CREBBP: variants seen among roughly 807,000 people sequenced by gnomAD.
CREBBP encodes the protein CREB binding lysine acetyltransferase.
Under a neutral mutation model 265.0 loss-of-function variants are expected in CREBBP, and 19 were observed. The ratio of observed to expected loss-of-function variants is 0.07; its 90% confidence interval spans 0.05 to 0.11. The LOEUF is 0.11. CREBBP is among the 10% of genes least tolerant of loss of function. The pLI, the probability that CREBBP is intolerant of heterozygous loss-of-function variation, is 1.00. For missense variants in CREBBP, 2,525 were observed against 3,219.0 expected (o/e 0.78, Z 5.22); for synonymous variants, 1,457 against 1,223.7 (o/e 1.19, Z -3.98).
In CREBBP at chr16:3,810,619, G is replaced by A. The variant is rs1449645780; in HGVS notation, c.959C>T (p.Thr320Ile). 3 of 1,613,782 alleles carry A rather than the reference G, an allele frequency of 1.9e-6. No homozygotes were observed. The highest frequency in any genetic ancestry group is 2.2e-5 in the East Asian group (1 of 44,870). Residue 320 changes from threonine (T) to isoleucine (I), a missense_variant, in exon 3 of 31, where the codon ACC (threonine) becomes ATC (isoleucine). Physicochemically the swap from Thr to Ile is moderately conservative, Grantham distance 89. Around this residue, in one of 19 missense-constraint regions of CREBBP, gnomAD observed 126 missense variants for 171.9 expected, o/e 0.73. Transcript: ENST00000262367. ...GTAACTTACCATATTTGGCACGTTGGTGACTGAAGTATTCTTGATATCTGT... is the reference window on the plus strand; with the variant it reads ...GTAACTTACCATATTTGGCACGTTGATGACTGAAGTATTCTTGATATCTGT... ...FPTDIKNTSV[T>I]NVPNMSQMQT...
chr16:3,805,390 G>T (rs1163380098), intron 3 of CREBBP, among the ~76,000 whole-genome samples: 1 of 152,182 alleles, frequency 6.6e-6, no homozygotes, highest in Non-Finnish European at 1.5e-5. Context: ...ACAGAACTCT[G>T]TAAGGACTCT....
rs746656673 is a variant in CREBBP at position 3,794,331 on chromosome 16, C to CAAAAAAAAAAA, written c.976-716_976-706dup. Among the ~76,000 whole-genome samples the CAAAAAAAAAAA allele has an allele frequency of 2.0e-4, 8 of 39,616 alleles. 1 individual carries two copies. Among genetic ancestry groups the CAAAAAAAAAAA allele is most frequent in the Non-Finnish European group, 3.3e-4 (7 of 21,404 alleles). 26.0% of individuals were successfully genotyped at this position (39,616 alleles called of 152,430 possible). ...TGGGCGACAGATCGAGACTCCGTCT[C>CAAAAAAAAAAA]AAAAAAAAAAAAAAAAAAAAAAAAA... On this transcript the variant is annotated intron_variant, in intron 3 of 30. Coordinates refer to ENST00000262367, the MANE Select transcript of CREBBP (RefSeq NM_004380.3).
chr16:3,780,923 C>G, intron 7 of CREBBP, 45 bp from the exon 8 acceptor site: 1 of 1,607,474 alleles, frequency 6.2e-7, no homozygotes. Context: ...TGAAGTGACT[C>G]AAACACACTT....
intron 1 of CREBBP, among the ~76,000 whole-genome samples, chr16:3,870,741 G>A (rs1251638097): frequency 6.6e-6 from 1 of 152,096 alleles, no homozygotes; most frequent in East Asian, 1.9e-4. Flanking sequence ...AGTCCTCACT[G>A]GCCCAAGAAG....
In CREBBP at chr16:3,739,741, A is replaced by G; in HGVS notation, c.4134-17T>C. ...TCCACAAACCTGAAACAAAAGCCAG[A>G]GCCGGACATTTACAAAGGCTGTTGC... is the stretch of plus-strand genomic sequence containing the variant. On this transcript the variant is annotated splice_polypyrimidine_tract_variant and intron_variant, in intron 24 of 30. Transcript: ENST00000262367. The G allele has an allele frequency of 6.2e-7, 1 of 1,614,256 alleles. No homozygotes were observed. Among genetic ancestry groups the G allele is most frequent in the Non-Finnish European group, 8.5e-7 (1 of 1,180,048 alleles).
At chr16:3,755,679 T>C (rs1261928444) in intron 19 of CREBBP, among the ~76,000 whole-genome samples, 1 of 152,160 alleles carries the variant, frequency 6.6e-6, no homozygotes, top group Non-Finnish European at 1.5e-5. Context: ...AGCAAGTCAC[T>C]ATGGGAGAGA....
intron 2 of CREBBP, among the ~76,000 whole-genome samples, chr16:3,840,031 A>G (rs964123415): frequency 2.0e-5 from 3 of 152,176 alleles, no homozygotes; most frequent in African/African-American, 4.8e-5. Flanking sequence ...TCTACTAAAC[A>G]GCTGTGCCCA....
At chr16:3,836,753 C>T (rs1244290462) in intron 2 of CREBBP, among the ~76,000 whole-genome samples, 4 of 152,118 alleles carry the variant, frequency 2.6e-5, no homozygotes, top group African/African-American at 9.7e-5. Context: ...AATGGTTTTT[C>T]GTACAAGAAC....
chr16:3,866,009 G>A (rs532631087), intron 1 of CREBBP, among the ~76,000 whole-genome samples: 6 of 152,260 alleles, frequency 3.9e-5, no homozygotes, highest in African/African-American at 1.4e-4. Context: ...AGCACCAGGT[G>A]GTAACACCTG....
intron 26 of CREBBP, 140 bp downstream of exon 26, chr16:3,738,419 A>T (rs906696469): frequency 1.5e-6 from 1 of 658,348 alleles, no homozygotes; most frequent in Non-Finnish European, 2.7e-6. Context: ...TGGAAAGAGG[A>T]GCTTTGGAGA....
intron 2 of CREBBP, among the ~76,000 whole-genome samples, chr16:3,824,692 A>C (rs2054205395): frequency 6.6e-6 from 1 of 152,212 alleles, no homozygotes. Context: ...CGGCAGCAGC[A>C]CGCCTAGGCT....
At chr16:3,827,841 C>A (rs1025669405) in intron 2 of CREBBP, among the ~76,000 whole-genome samples, 1 of 152,138 alleles carries the variant, frequency 6.6e-6, no homozygotes, top group African/African-American at 2.4e-5. Context: ...TAGGCACGTG[C>A]CACCACACCC....
At chr16:3,849,070 T>C (rs1376486793) in intron 2 of CREBBP, among the ~76,000 whole-genome samples, 3 of 152,080 alleles carry the variant, frequency 2.0e-5, no homozygotes, top group African/African-American at 7.2e-5. Flanking sequence ...ACTAAACAAA[T>C]CCAAAGAACA....
At chr16:3,872,562 C>CTT (rs1229024809) in intron 1 of CREBBP, among the ~76,000 whole-genome samples, 2 of 152,226 alleles carry the variant, frequency 1.3e-5, no homozygotes, top group Non-Finnish European at 2.9e-5. Context: ...GAGCAGCATC[C>CTT]TTTTCCAGTT....
rs775872170 is a variant in CREBBP at position 3,739,694 on chromosome 16, A to G, written c.4164T>C (p.Ser1388=). ...ACAGAGCTTTGGTTCGATATGGGAA[A>G]GATTCAGACATTTCCCCAGAATCCA... is the stretch of plus-strand genomic sequence containing the variant. The part of the protein sequence containing the change: ...RFVDSGEMSE[S]FPYRTKALFA... Residue 1388 remains serine, a synonymous_variant, in exon 25 of 31, where the codon TCT becomes TCC. Transcript: ENST00000262367. 1 of 1,614,264 alleles carries G rather than the reference A, an allele frequency of 6.2e-7. No individual in the cohort carries two copies. The highest frequency in any genetic ancestry group is 1.1e-5 in the South Asian group (1 of 91,090).
chr16:3,760,586 T>C (rs1429856633), intron 16 of CREBBP, among the ~76,000 whole-genome samples: 14 of 151,054 alleles, frequency 9.3e-5, no homozygotes. Flanking sequence ...TAATTTTTAG[T>C]AGAAGATGGG....
At chr16:3,820,793 G>A (rs1011043735) in intron 2 of CREBBP, among the ~76,000 whole-genome samples, 1 of 152,174 alleles carries the variant, frequency 6.6e-6, no homozygotes, top group African/African-American at 2.4e-5. Context: ...CCAAGAGGTT[G>A]AGGATGTAGT....
intron 26 of CREBBP, chr16:3,737,098 A>T: frequency 1.9e-6 from 1 of 525,192 alleles, no homozygotes; most frequent in South Asian, 2.0e-5. Flanking sequence ...GAACCAGGGA[A>T]TATGATGGCT....
In CREBBP at chr16:3,781,262, G is replaced by C. The variant is rs398124138; in HGVS notation, c.1618C>G (p.Gln540Glu). 3 of 1,613,988 alleles carry C rather than the reference G, an allele frequency of 1.9e-6. No individual in the cohort carries two copies. Among genetic ancestry groups the C allele is most frequent in the Non-Finnish European group, 2.5e-6 (3 of 1,179,918 alleles). ...TCTGAAATCAAGTTTGGGGGCTGCT[G>C]ATCTGTTGTTATTCCTCCTGCTGGA... is the stretch of plus-strand genomic sequence containing the variant. ...NIPAGGITTD[Q>E]QPPNLISESA... The change falls in exon 7 of 31, where the codon CAG becomes GAG. Residue 540 changes from glutamine to glutamate, a missense_variant. This residue lies in a region of CREBBP where 144 missense variants were observed against 134.0 expected (regional missense o/e 1.07). Coordinates refer to ENST00000262367, the MANE Select transcript of CREBBP (RefSeq NM_004380.3).
Sources: gnomAD v4.1 joint callset for allele counts (sites outside exome capture counted in the v4.1 genomes callset) on GRCh38, gnomAD v4.1.1 for gene constraint, gnomAD v4.1.1 regional missense constraint, MANE v1.5 for transcripts, NCBI Gene and HGNC (gene_info 2026-07-23, HGNC 2026-07-21) for gene names.